Variants in EFR3B observed in about 807,000 individuals in gnomAD.
EFR3B encodes the protein EFR3 homolog B.
Under a neutral mutation model 104.7 loss-of-function variants are expected in EFR3B, and 64 were observed. That is an observed-to-expected ratio of 0.61 (90% CI 0.50 to 0.75). EFR3B has a LOEUF of 0.75. Among genes scored for constraint, EFR3B ranks in the 30% least tolerant of loss-of-function variants. EFR3B has a pLI of 0.00. For synonymous variants in EFR3B, 385 were observed against 417.9 expected, an observed-to-expected ratio of 0.92 and a Z score of 0.96; for missense variants, 750 against 1,078.5, an observed-to-expected ratio of 0.70 and a Z score of 4.27.
At chr2:25,066,809 C>G (rs1668348806) in intron 1 of EFR3B, among the ~76,000 whole-genome samples, 1 of 152,130 alleles carries the variant, frequency 6.6e-6, no homozygotes, top group Non-Finnish European at 1.5e-5. Flanking sequence ...ACTTCTAGAT[C>G]TTCAATCAGC....
chr2:25,133,104 C>T, intron 11 of EFR3B, 90 bp downstream of exon 11: 1 of 1,194,216 alleles, frequency 8.4e-7, no homozygotes, highest in East Asian at 2.6e-5. Context: ...ATTTTCTTGG[C>T]TCTGCCCTCT....
intron 3 of EFR3B, 53 bp from the exon 4 acceptor site, chr2:25,103,584 G>A: frequency 1.3e-6 from 2 of 1,526,222 alleles, no homozygotes. Flanking sequence ...GCCCTGGTTG[G>A]GCCATGGGGT....
At chr2:25,145,253 C>T in intron 19 of EFR3B, 1 of 592,034 alleles carries the variant, frequency 1.7e-6, no homozygotes, top group Non-Finnish European at 3.0e-6. Flanking sequence ...CTCCCTGCTC[C>T]CATGAGGATA....
intron 11 of EFR3B, 91 bp from the exon 12 acceptor site, chr2:25,133,292 G>A (rs2149206479): frequency 7.2e-7 from 1 of 1,381,132 alleles, no homozygotes; most frequent in East Asian, 2.5e-5. Flanking sequence ...TAAGCCTCAT[G>A]GAGAAACGAA....
chr2:25,140,002 T>C (rs114430606), intron 16 of EFR3B, among the ~76,000 whole-genome samples: 67 of 152,260 alleles, frequency 4.4e-4, no homozygotes, highest in African/African-American at 1.5e-3. Flanking sequence ...GATACCAACA[T>C]GTAGGATTAA....
At chr2:25,073,462 A>T (rs930570733) in intron 1 of EFR3B, among the ~76,000 whole-genome samples, 1 of 150,466 alleles carries the variant, frequency 6.6e-6, no homozygotes, top group Admixed American at 6.7e-5. Context: ...GGCTCAAGTG[A>T]TCCTCCCACC....
chr2:25,058,765 C>A (rs1346541447), intron 1 of EFR3B, among the ~76,000 whole-genome samples: 7 of 117,410 alleles, frequency 6.0e-5, no homozygotes, highest in African/African-American at 2.4e-4. Context: ...TCTCCCCGCG[C>A]CCCCCCCCCC....
chr2:25,142,548 C>T (rs1418642237), intron 17 of EFR3B, among the ~76,000 whole-genome samples: 3 of 151,360 alleles, frequency 2.0e-5, no homozygotes, highest in Admixed American at 1.3e-4. Flanking sequence ...CACTTGAGAT[C>T]AGGAGTTGGA....
At chr2:25,080,983 C>T (rs944472635) in intron 1 of EFR3B, 32 of 756,350 alleles carry the variant, frequency 4.2e-5, no homozygotes, top group Middle Eastern at 3.7e-4. Flanking sequence ...TCTACAATAT[C>T]AACAGGTTCT....
At position 25,149,588 on chromosome 2, in the gene EFR3B, G is replaced by T. The variant is rs1217295636; in HGVS notation, c.2143-106G>T. 2.5e-6 allele frequency: 3 copies of T among 1,180,268 alleles called. No homozygotes were observed. In the East Asian group the frequency reaches 7.7e-5, roughly 30 times the overall value. 73.1% of individuals were successfully genotyped at this position (1,180,268 alleles called of 1,614,324 possible). A position where few individuals can be genotyped will look rare whatever the true frequency, so the allele number is the denominator to read the frequency against. On this transcript the variant is annotated intron_variant, in intron 19 of 22. Transcript: ENST00000403714. ...TCCTGAGGGACTTCCTGCCCACTGG[G>T]ACTTTCTTCCAACAAGCAAGGGGCT... is the stretch of plus-strand genomic sequence containing the variant.
intron 16 of EFR3B, among the ~76,000 whole-genome samples, chr2:25,140,883 A>G (rs1670642468): frequency 1.3e-5 from 2 of 152,102 alleles, no homozygotes; most frequent in South Asian, 4.1e-4. Flanking sequence ...TCTACTAAAA[A>G]TATAAAAATT....
chr2:25,106,061 G>A (rs536952705), intron 4 of EFR3B, among the ~76,000 whole-genome samples: 28 of 152,314 alleles, frequency 1.8e-4, no homozygotes, highest in African/African-American at 6.7e-4. Flanking sequence ...GCTCTTTCCA[G>A]CTCTCTGTGC....
At chr2:25,106,534 T>G (rs1395979537) in intron 4 of EFR3B, among the ~76,000 whole-genome samples, 1 of 150,692 alleles carries the variant, frequency 6.6e-6, no homozygotes, top group East Asian at 1.9e-4. Flanking sequence ...CTTGGCTCAC[T>G]GCAACCTCCA....
Position 25,110,632 on chromosome 2 carries a change from A to G in EFR3B, c.363+6845A>G, listed in dbSNP as rs138314645. 9.7e-4 allele frequency among the ~76,000 whole-genome samples: 148 copies of G among 152,108 alleles called. 2 individuals carry two copies. The East Asian group carries it at 0.021, about 22-fold the overall frequency. On this transcript the variant is annotated intron_variant, in intron 4 of 22. Transcript: ENST00000403714. Reference sequence around the variant, plus strand: ...TGCCTTGCTTTGATTCCTTCCCTCAATCTAAACACAAGTTCAAGTCTCTTG... The same window carrying G: ...TGCCTTGCTTTGATTCCTTCCCTCAGTCTAAACACAAGTTCAAGTCTCTTG...
chr2:25,109,412 T>G (rs1669658301), intron 4 of EFR3B, among the ~76,000 whole-genome samples: 1 of 152,258 alleles, frequency 6.6e-6, no homozygotes, highest in African/African-American at 2.4e-5. Context: ...GGAACCATCA[T>G]ACTTGCTGGT....
intron 4 of EFR3B, among the ~76,000 whole-genome samples, chr2:25,107,391 G>A (rs534743247): frequency 2.4e-4 from 36 of 152,252 alleles, no homozygotes; most frequent in African/African-American, 8.7e-4. Flanking sequence ...TCTGCAGAAC[G>A]TCTCTTCAGA....
chr2:25,058,741 A>G (rs1668092717), intron 1 of EFR3B, among the ~76,000 whole-genome samples: 1 of 150,158 alleles, frequency 6.7e-6, no homozygotes, highest in Non-Finnish European at 1.5e-5. Context: ...CCTAGGAGAC[A>G]GAGTGAGACT....
At chr2:25,149,177 G>T (rs1044330181) in intron 19 of EFR3B, among the ~76,000 whole-genome samples, 1 of 151,566 alleles carries the variant, frequency 6.6e-6, no homozygotes, top group Middle Eastern at 3.2e-3. Context: ...GGTGAAACCC[G>T]TCTCTACTAA....
intron 4 of EFR3B, among the ~76,000 whole-genome samples, chr2:25,105,749 AC>A (rs898180717): frequency 1.2e-4 from 18 of 152,204 alleles, no homozygotes; most frequent in African/African-American, 4.3e-4. Context: ...TGAACCAGCC[AC>A]CATGCATCCC....
Sources: allele counts gnomAD v4.1 joint callset (sites outside exome capture counted in the v4.1 genomes callset), GRCh38; gene constraint gnomAD v4.1.1; transcripts MANE v1.5; gene names NCBI Gene and HGNC (gene_info 2026-07-23, HGNC 2026-07-21).